Variants in FARS2 observed in about 807,000 individuals in gnomAD.
FARS2 encodes the protein phenylalanine--tRNA ligase, mitochondrial.
A neutral mutation model predicts 46.4 loss-of-function variants in FARS2; 40 were observed. That is an observed-to-expected ratio of 0.86 (90% confidence interval 0.67 to 1.12). The LOEUF (loss-of-function observed/expected upper bound fraction) is 1.12, where lower values mean the gene tolerates loss of function less well. Among genes scored for constraint, FARS2 ranks in the 50% most tolerant of loss-of-function variants. FARS2 has a pLI of 0.00. For missense variants in FARS2, 513 were observed against 567.9 expected (o/e 0.90, Z 0.98); for synonymous variants, 234 against 214.9 (o/e 1.09, Z -0.78).
chr6:5,528,484 T>G (rs1769612711), intron 4 of FARS2, among the ~76,000 whole-genome samples: 1 of 152,188 alleles, frequency 6.6e-6, no homozygotes, highest in African/African-American at 2.4e-5. Context: ...TGCATATGTA[T>G]TTATAGGTCT....
At chr6:5,285,758 T>C (rs1288581651) in intron 1 of FARS2, among the ~76,000 whole-genome samples, 1 of 152,216 alleles carries the variant, frequency 6.6e-6, no homozygotes, top group Non-Finnish European at 1.5e-5. Context: ...ATGTTATCTC[T>C]GTGGGTAGTA....
At chr6:5,383,697 C>A (rs1759935584) in intron 2 of FARS2, among the ~76,000 whole-genome samples, 1 of 152,196 alleles carries the variant, frequency 6.6e-6, no homozygotes, top group Admixed American at 6.5e-5. Context: ...AAGTGTTGAT[C>A]CATCTGAGCA....
chr6:5,275,436 A>C (rs1477771694), intron 1 of FARS2, among the ~76,000 whole-genome samples: 1 of 152,078 alleles, frequency 6.6e-6, no homozygotes, highest in Non-Finnish European at 1.5e-5. Context: ...ACATAATAGA[A>C]GGTTCCTGGT....
intron 1 of FARS2, among the ~76,000 whole-genome samples, chr6:5,341,235 A>ATGTATTT (rs1561970178): frequency 2.9e-4 from 3 of 10,274 alleles, no homozygotes; most frequent in Non-Finnish European, 4.0e-4. Flanking sequence ...ATATATATAT[A>ATGTATTT]TTTTTTTTTT....
intron 2 of FARS2, among the ~76,000 whole-genome samples, chr6:5,396,746 C>A (rs1256745512): frequency 6.6e-6 from 1 of 152,204 alleles, no homozygotes; most frequent in Admixed American, 6.5e-5. Context: ...CTGCTGTCAG[C>A]AGCAGGGCAG....
At chr6:5,589,111 T>C (rs1402786819) in intron 5 of FARS2, among the ~76,000 whole-genome samples, 5 of 152,184 alleles carry the variant, frequency 3.3e-5, no homozygotes, top group African/African-American at 1.2e-4. Flanking sequence ...CTCTGATACC[T>C]TTATAATCCC....
At chr6:5,716,320 C>T (rs1244648784) in intron 6 of FARS2, among the ~76,000 whole-genome samples, 2 of 152,174 alleles carry the variant, frequency 1.3e-5, no homozygotes, top group African/African-American at 2.4e-5. Flanking sequence ...TAGATCCAAA[C>T]AAGGCCCACA....
At chr6:5,617,207 A>C (rs536325478) in intron 6 of FARS2, among the ~76,000 whole-genome samples, 1 of 152,244 alleles carries the variant, frequency 6.6e-6, no homozygotes, top group Non-Finnish European at 1.5e-5. Flanking sequence ...ACACAACCCC[A>C]TACTGACCTG....
intron 1 of FARS2, among the ~76,000 whole-genome samples, chr6:5,278,364 G>A (rs1404529046): frequency 6.6e-6 from 1 of 152,146 alleles, no homozygotes; most frequent in Non-Finnish European, 1.5e-5. Flanking sequence ...ACGAGTGCTG[G>A]GGTCTAATAG....
At chr6:5,376,311 CAAG>C (rs765670123) in intron 2 of FARS2, among the ~76,000 whole-genome samples, 1 of 152,118 alleles carries the variant, frequency 6.6e-6, no homozygotes, top group Non-Finnish European at 1.5e-5. Context: ...TATCAATAAA[CAAG>C]AAAATGCAAA....
chr6:5,499,372 C>T (rs550411842), intron 4 of FARS2, among the ~76,000 whole-genome samples: 17 of 152,272 alleles, frequency 1.1e-4, no homozygotes, highest in African/African-American at 2.2e-4. Flanking sequence ...CTTCATGAGA[C>T]GCAGACTGCA....
intron 2 of FARS2, among the ~76,000 whole-genome samples, chr6:5,399,166 ATTATT>A (rs1344991664): frequency 7.7e-6 from 1 of 129,466 alleles, no homozygotes; most frequent in African/African-American, 2.9e-5. Context: ...TATTATTATT[ATTATT>A]ATTATCATCA....
At chr6:5,556,546 C>A (rs971331247) in intron 5 of FARS2, among the ~76,000 whole-genome samples, 8 of 151,828 alleles carry the variant, frequency 5.3e-5, no homozygotes, top group African/African-American at 1.9e-4. Context: ...TTGTGGCCCT[C>A]TGCTTGTGTT....
intron 2 of FARS2, among the ~76,000 whole-genome samples, chr6:5,402,867 C>A (rs924997664): frequency 6.6e-6 from 1 of 152,180 alleles, no homozygotes; most frequent in African/African-American, 2.4e-5. Flanking sequence ...CTTAGTGTAA[C>A]TTACACTTTC....
intron 2 of FARS2, among the ~76,000 whole-genome samples, chr6:5,369,976 C>T (rs1758946650): frequency 6.6e-6 from 1 of 151,832 alleles, no homozygotes; most frequent in African/African-American, 2.4e-5. Flanking sequence ...TTTTAAAAAC[C>T]ATCTCTGTTT....
intron 5 of FARS2, among the ~76,000 whole-genome samples, chr6:5,602,210 A>G (rs778347406): frequency 2.0e-5 from 3 of 152,226 alleles, no homozygotes; most frequent in Non-Finnish European, 4.4e-5. Context: ...TGATGCAGAA[A>G]GAAACTTTAC....
At chr6:5,586,824 G>A (rs1773636588) in intron 5 of FARS2, among the ~76,000 whole-genome samples, 1 of 152,118 alleles carries the variant, frequency 6.6e-6, no homozygotes, top group Non-Finnish European at 1.5e-5. Flanking sequence ...CTGTTTTAAA[G>A]ACTGTTGACA....
At chr6:5,370,581 A>G (rs1484667487) in intron 2 of FARS2, among the ~76,000 whole-genome samples, 1 of 152,186 alleles carries the variant, frequency 6.6e-6, no homozygotes, top group East Asian at 1.9e-4. Context: ...AGTAGCAGAC[A>G]GGTGCTCAGC....
rs1333871353 is a variant in FARS2 at position 5,727,430 on chromosome 6, A to G, written c.1218-43861A>G. Among the ~76,000 whole-genome samples the G allele has an allele frequency of 6.6e-6, 1 of 152,226 alleles. No individual in the cohort carries two copies. The highest frequency in any genetic ancestry group is 1.5e-5 in the Non-Finnish European group (1 of 68,032). On this transcript the variant is annotated intron_variant, in intron 6 of 6. Coordinates refer to ENST00000274680, the MANE Select transcript of FARS2 (RefSeq NM_006567.5). The surrounding 1 kb of genome is among the most constrained non-coding windows in gnomAD (Gnocchi z 4.1). The stretch of plus-strand genomic sequence containing the variant: ...TTCAGAGGCAGGGTGCTGACTGGCC[A>G]GAACGTAGGAAAGGCCAGGTCAGAG...
Sources: gnomAD v4.1 joint callset for allele counts (sites outside exome capture counted in the v4.1 genomes callset) on GRCh38, gnomAD v4.1.1 for gene constraint, Gnocchi (gnomAD v3.1) non-coding constraint, MANE v1.5 for transcripts, NCBI Gene and HGNC (gene_info 2026-07-23, HGNC 2026-07-21) for gene names.